The following LPIN2 variants were observed in gnomAD, a reference collection of about 807,000 sequenced individuals.
LPIN2 encodes the protein lipin 2, also known as phosphatidate phosphatase LPIN2.
LPIN2 carries 55 observed loss-of-function variants against 111.4 expected under a neutral mutation model. The ratio of observed to expected loss-of-function variants is 0.49; its 90% CI spans 0.40 to 0.62. The LOEUF is 0.62. Among genes scored for constraint, LPIN2 ranks in the 20% least tolerant of loss-of-function variants. The pLI, the probability that LPIN2 is intolerant of heterozygous loss-of-function variation, is 0.00. For missense variants in LPIN2, 992 were observed against 1,112.1 expected, an observed-to-expected ratio of 0.89 and a Z score of 1.54; for synonymous variants, 425 against 414.0, an observed-to-expected ratio of 1.03 and a Z score of -0.32.
chr18:2,966,752 C>G (rs1433254495), intron 1 of LPIN2, among the ~76,000 whole-genome samples: 1 of 152,200 alleles, frequency 6.6e-6, no homozygotes, highest in African/African-American at 2.4e-5. Flanking sequence ...TCTCCTCACA[C>G]CACTACTATT....
intron 1 of LPIN2, among the ~76,000 whole-genome samples, chr18:2,961,400 G>A (rs1487464685): frequency 1.3e-5 from 2 of 152,100 alleles, no homozygotes; most frequent in African/African-American, 4.8e-5. Flanking sequence ...AATAAACTCT[G>A]GCAAGTCTGC....
At chr18:3,004,816 C>A (rs1314095352) in intron 1 of LPIN2, among the ~76,000 whole-genome samples, 1 of 152,136 alleles carries the variant, frequency 6.6e-6, no homozygotes, top group African/African-American at 2.4e-5. Context: ...CCAGTCTCAG[C>A]CCAGCGATAT....
chr18:2,965,731 C>CAAAAAAA (rs35530040), intron 1 of LPIN2, among the ~76,000 whole-genome samples: 1 of 103,238 alleles, frequency 9.7e-6, no homozygotes, highest in African/African-American at 3.9e-5. Context: ...CTCCCAATCT[C>CAAAAAAA]AAAAAAAAAA....
rs2077007660 is a variant in LPIN2 at position 2,918,859 on chromosome 18, C to T, written c.*1434G>A. The T allele has an allele frequency of 1.3e-5, 2 of 152,314 alleles. No homozygotes were observed. The highest frequency in any genetic ancestry group is 3.4e-3 in the Middle Eastern group (1 of 294). The allele number at this position is 152,314 out of a possible 1,614,324, so 9.4% of individuals were successfully genotyped here. ...AGAGGTTCCACTACAACGGCAGGGG[C>T]ATGAAGAGTTGGCCACGAGACCACC... On this transcript the variant is annotated 3_prime_UTR_variant, in exon 20 of 20. Transcript: ENST00000677752.
intron 1 of LPIN2, among the ~76,000 whole-genome samples, chr18:3,006,815 C>A (rs1205467220): frequency 6.7e-6 from 1 of 148,784 alleles, no homozygotes; most frequent in Non-Finnish European, 1.5e-5. Context: ...CCAGCCTGGG[C>A]GACAGAACGA....
In LPIN2 at chr18:2,934,411, A is replaced by T. The variant is rs769593349; in HGVS notation, c.1208T>A (p.Ile403Asn). ...KRSQHQGPDD[I>N]YLDDLKGLEP... ...TAGACCCTTTAAGTCATCAAGGTAA[A>T]TATCATCAGGTCCCTGGTGTTGGCT... The change falls in exon 8 of 20, where the codon ATT becomes AAT. Residue 403 changes from isoleucine to asparagine, a missense_variant. By Grantham distance (149) the Ile-to-Asn change is moderately radical. Coordinates refer to ENST00000677752, the MANE Select transcript of LPIN2 (RefSeq NM_001375808.2). The T allele has an allele frequency of 6.2e-7, 1 of 1,613,868 alleles. No homozygotes were observed. The highest frequency in any genetic ancestry group is 8.5e-7 in the Non-Finnish European group (1 of 1,179,854).
rs148920153 is a variant in LPIN2, at chr18:2,965,010, G to A, written c.-9-4161C>T. 9.3e-3 allele frequency among the ~76,000 whole-genome samples: 1,420 copies of A among 152,278 alleles called. 27 individuals carry two copies. The highest frequency in any genetic ancestry group is 0.032 in the African/African-American group (1,325 of 41,554). On this transcript the variant is annotated intron_variant, in intron 1 of 19. Coordinates refer to ENST00000677752, the MANE Select transcript of LPIN2 (RefSeq NM_001375808.2). Reference sequence around the variant, plus strand: ...GACAGCTAGACACAATGGCTCAGATGTGGCCTGACTGCTACACAGTGTATG... The same window carrying A: ...GACAGCTAGACACAATGGCTCAGATATGGCCTGACTGCTACACAGTGTATG...
intron 9 of LPIN2, among the ~76,000 whole-genome samples, chr18:2,930,466 AG>A (rs2077198145): frequency 6.6e-6 from 1 of 152,258 alleles, no homozygotes; most frequent in Non-Finnish European, 1.5e-5. Context: ...GAAAGACTTC[AG>A]GAACACATGG....
intron 7 of LPIN2, among the ~76,000 whole-genome samples, chr18:2,937,373 A>G (rs777763596): frequency 6.6e-6 from 1 of 151,966 alleles, no homozygotes; most frequent in Non-Finnish European, 1.5e-5. Context: ...GTGAAATGCC[A>G]TCTCTATTAA....
chr18:2,945,689 C>T, intron 4 of LPIN2: 2 of 1,326,690 alleles, frequency 1.5e-6, no homozygotes, highest in South Asian at 1.2e-5. Flanking sequence ...TTACATCAAT[C>T]ACACCCCATA....
At position 2,938,143 on chromosome 18, in the gene LPIN2, C is replaced by G. The variant is rs2077316934; in HGVS notation, c.823-106G>C. On this transcript the variant is annotated intron_variant, in intron 6 of 19. Transcript: ENST00000677752. ...CATTCTATTTTTAACTTAACACATT[C>G]ATTAAGTATCTTAGTTTGTACATGT... 3.5e-5 allele frequency: 29 copies of G among 827,472 alleles called. No individual in the cohort carries two copies. The South Asian group carries it at 3.5e-4, about 10-fold the overall frequency. 51.3% of individuals were successfully genotyped at this position (827,472 alleles called of 1,614,324 possible). A position where few individuals can be genotyped will look rare whatever the true frequency, so the allele number is the denominator to read the frequency against.
At chr18:2,983,514 CATATT>C (rs1451113781) in intron 1 of LPIN2, among the ~76,000 whole-genome samples, 5 of 152,156 alleles carry the variant, frequency 3.3e-5, no homozygotes, top group Non-Finnish European at 7.3e-5. Context: ...CATGGACAAA[CATATT>C]AGATTTCTGA....
intron 3 of LPIN2, among the ~76,000 whole-genome samples, chr18:2,952,311 A>G (rs547417406): frequency 3.4e-4 from 52 of 152,292 alleles, no homozygotes; most frequent in African/African-American, 1.2e-3. Flanking sequence ...CTGTAATCCC[A>G]GCTACTCAGG....
At chr18:2,987,040 C>T (rs650543) in intron 1 of LPIN2, among the ~76,000 whole-genome samples, 98,107 of 151,958 alleles carry the variant, frequency 0.65, 33,404 homozygotes, top group East Asian at 0.84. Context: ...TTTTCTTCTC[C>T]CATTTCACCT....
intron 1 of LPIN2, among the ~76,000 whole-genome samples, chr18:2,993,645 C>T (rs1263992359): frequency 6.6e-6 from 1 of 152,158 alleles, no homozygotes; most frequent in Admixed American, 6.5e-5. Context: ...TGTATACCTA[C>T]ACACAACAGA....
intron 1 of LPIN2, among the ~76,000 whole-genome samples, chr18:2,983,994 T>C (rs2078150258): frequency 1.3e-5 from 2 of 152,196 alleles, no homozygotes; most frequent in South Asian, 4.1e-4. Flanking sequence ...TCCTTTAAAG[T>C]ATTTAGTTAA....
intron 4 of LPIN2, 92 bp downstream of exon 4, chr18:2,950,963 C>T (rs1444954617): frequency 1.5e-6 from 2 of 1,366,598 alleles, no homozygotes; most frequent in Non-Finnish European, 2.1e-6. Context: ...GCCCAAACCT[C>T]ACACTGTGTA....
intron 4 of LPIN2, among the ~76,000 whole-genome samples, chr18:2,949,099 G>C (rs944318178): frequency 1.3e-5 from 2 of 152,046 alleles, no homozygotes; most frequent in Non-Finnish European, 2.9e-5. Context: ...TACCGTGCCC[G>C]GCCTTTTAAT....
At chr18:2,982,997 C>T (rs1252942353) in intron 1 of LPIN2, 1 of 323,820 alleles carries the variant, frequency 3.1e-6, no homozygotes, top group Non-Finnish European at 6.1e-6. Flanking sequence ...TAAGCAGGGG[C>T]ATGGGACAGG....
Sources: gnomAD v4.1 joint callset for allele counts (sites outside exome capture counted in the v4.1 genomes callset) on GRCh38, gnomAD v4.1.1 for gene constraint, MANE v1.5 for transcripts, NCBI Gene and HGNC (gene_info 2026-07-23, HGNC 2026-07-21) for gene names.